Variants in EYA4 observed in about 807,000 individuals in gnomAD.
EYA4 encodes the protein EYA transcriptional coactivator and phosphatase 4.
EYA4 carries 31 observed loss-of-function variants against 87.9 expected under a neutral mutation model. The ratio of observed to expected loss-of-function variants is 0.35; its 90% CI spans 0.27 to 0.48. EYA4 has a LOEUF of 0.48. Ranked by LOEUF, EYA4 falls within the 20% of genes least tolerant of loss-of-function variation. EYA4 has a pLI of 0.99. For missense variants in EYA4, 678 were observed against 761.4 expected (o/e 0.89, Z 1.29); for synonymous variants, 263 against 270.6 (o/e 0.97, Z 0.28).
chr6:133,514,045 C>A (rs1799387116), intron 16 of EYA4, among the ~76,000 whole-genome samples: 1 of 152,030 alleles, frequency 6.6e-6, no homozygotes, highest in Non-Finnish European at 1.5e-5. Flanking sequence ...AGCAGTGAAA[C>A]ACATAAGAGA....
At chr6:133,374,111 T>C (rs1052400079) in intron 2 of EYA4, among the ~76,000 whole-genome samples, 4 of 152,100 alleles carry the variant, frequency 2.6e-5, no homozygotes, top group African/African-American at 9.7e-5. Context: ...ATTTTAAAGG[T>C]TAATGTGATT....
At chr6:133,372,749 A>G (rs991323545) in intron 2 of EYA4, among the ~76,000 whole-genome samples, 2 of 151,550 alleles carry the variant, frequency 1.3e-5, no homozygotes, top group Non-Finnish European at 2.9e-5. Context: ...TGTTCTAGAA[A>G]TATTTATATT....
intron 2 of EYA4, among the ~76,000 whole-genome samples, chr6:133,282,827 C>G (rs1582840131): frequency 6.6e-6 from 1 of 152,074 alleles, no homozygotes; most frequent in East Asian, 1.9e-4. Flanking sequence ...AGGGTAGCAC[C>G]AAGCCTCATA....
intron 2 of EYA4, among the ~76,000 whole-genome samples, chr6:133,320,428 A>C (rs1780996271): frequency 1.3e-5 from 2 of 152,024 alleles, no homozygotes; most frequent in Non-Finnish European, 2.9e-5. Context: ...TTTTAAATGC[A>C]ATGTACTTAC....
At chr6:133,311,488 G>T (rs1319924124) in intron 2 of EYA4, among the ~76,000 whole-genome samples, 1 of 151,712 alleles carries the variant, frequency 6.6e-6, no homozygotes, top group African/African-American at 2.4e-5. Context: ...AGCATGCCTG[G>T]CTAATTTTTT....
At chr6:133,460,765 A>G (rs1794311559) in intron 6 of EYA4, among the ~76,000 whole-genome samples, 1 of 152,094 alleles carries the variant, frequency 6.6e-6, no homozygotes, top group South Asian at 2.1e-4. Flanking sequence ...TAAAATGTAA[A>G]GTTTGCAAAT....
intron 3 of EYA4, among the ~76,000 whole-genome samples, chr6:133,408,358 T>C (rs1788910960): frequency 6.6e-6 from 1 of 152,214 alleles, no homozygotes; most frequent in Non-Finnish European, 1.5e-5. Flanking sequence ...GTGGTTACAT[T>C]GTAGATGGAC....
chr6:133,294,143 CA>C (rs1224820041), intron 2 of EYA4, among the ~76,000 whole-genome samples: 1 of 144,234 alleles, frequency 6.9e-6, no homozygotes, highest in East Asian at 2.0e-4. Flanking sequence ...TGAGTTGCGA[CA>C]GTGATGATGA....
rs74327342 is a variant in EYA4, at chr6:133,480,099, TGTGGA to T, written c.971-1360_971-1356del. Reference sequence around the variant, plus strand: ...TGAGAGAGTTAAATCCCCCAGATTGTGTGGAGTGAAGACAGTGATCAGAGGATGGA... The same window carrying T: ...TGAGAGAGTTAAATCCCCCAGATTGTGTGAAGACAGTGATCAGAGGATGGA... On this transcript the variant is annotated intron_variant, in intron 11 of 19. Coordinates refer to ENST00000355286, the MANE Select transcript of EYA4 (RefSeq NM_004100.5). Among the ~76,000 whole-genome samples, 1,237 of 152,218 alleles carry T rather than the reference TGTGGA, an allele frequency of 8.1e-3. 26 individuals are homozygous for T. The East Asian group carries it at 0.082, about 10-fold the overall frequency.
chr6:133,374,788 G>T (rs1785546700), intron 2 of EYA4, among the ~76,000 whole-genome samples: 1 of 151,938 alleles, frequency 6.6e-6, no homozygotes, highest in South Asian at 2.1e-4. Flanking sequence ...CTAACTACAT[G>T]AAAAGAATTT....
rs6911555 is a variant in EYA4, at chr6:133,242,533, G to A, written c.-66+784G>A. Among the ~76,000 whole-genome samples, 503 of 152,284 alleles carry A rather than the reference G, an allele frequency of 3.3e-3. 2 individuals are homozygous for A. Among genetic ancestry groups the A allele is most frequent in the African/African-American group, 9.8e-3 (409 of 41,548 alleles). ...TTTTCTCTCCTTCCAAGCCTGCTGGGTCTGGGGAGGCAGTGGAACTTGAAA... is the reference window on the plus strand; with the variant it reads ...TTTTCTCTCCTTCCAAGCCTGCTGGATCTGGGGAGGCAGTGGAACTTGAAA... On this transcript the variant is annotated intron_variant, in intron 1 of 19. Transcript: ENST00000355286.
intron 2 of EYA4, among the ~76,000 whole-genome samples, chr6:133,313,188 T>C (rs1022628681): frequency 5.3e-5 from 8 of 152,170 alleles, no homozygotes; most frequent in Non-Finnish European, 1.2e-4. Flanking sequence ...TTGTTAACTT[T>C]TTGGTTTACA....
intron 17 of EYA4, among the ~76,000 whole-genome samples, chr6:133,516,722 CAA>C (rs58268978): frequency 1.2e-4 from 15 of 122,828 alleles, no homozygotes; most frequent in Non-Finnish European, 1.2e-4. Context: ...GACTCTGTCT[CAA>C]AAAAAAAAAA....
intron 2 of EYA4, among the ~76,000 whole-genome samples, chr6:133,279,717 G>T (rs551883613): frequency 6.6e-6 from 1 of 151,946 alleles, no homozygotes; most frequent in African/African-American, 2.4e-5. Flanking sequence ...TTAGTCCTCA[G>T]ATCTTTGTTC....
chr6:133,380,263 C>G (rs1437965033), intron 2 of EYA4, among the ~76,000 whole-genome samples: 1 of 152,146 alleles, frequency 6.6e-6, no homozygotes, highest in East Asian at 1.9e-4. Flanking sequence ...CTAATTCATT[C>G]TTTCATCACA....
chr6:133,363,193 C>CTACAA (rs1269526821), intron 2 of EYA4: 1 of 152,236 alleles, frequency 6.6e-6, no homozygotes, highest in Non-Finnish European at 1.5e-5. Flanking sequence ...TTGTAGATGA[C>CTACAA]TGTACTATGG....
At position 133,525,664 on chromosome 6, in the gene EYA4, A is replaced by G. The variant is rs3798356; in HGVS notation, c.1839+410A>G. Reference sequence around the variant, plus strand: ...GGGGGGAGAATAACCATTGTTAAGCACATGAAATTTAGCAAGATAGAGATT... The same window carrying G: ...GGGGGGAGAATAACCATTGTTAAGCGCATGAAATTTAGCAAGATAGAGATT... On this transcript the variant is annotated intron_variant, in intron 19 of 19. Coordinates refer to ENST00000355286, the MANE Select transcript of EYA4 (RefSeq NM_004100.5). Among the ~76,000 whole-genome samples the G allele has an allele frequency of 2.5e-3, 375 of 152,290 alleles. 9 individuals are homozygous for G. In the East Asian group the frequency reaches 0.069, roughly 28 times the overall value.
intron 3 of EYA4, among the ~76,000 whole-genome samples, chr6:133,392,536 A>G (rs1787391319): frequency 6.6e-6 from 1 of 152,200 alleles, no homozygotes; most frequent in African/African-American, 2.4e-5. Flanking sequence ...ACCAGCTATG[A>G]AACTTACATA....
rs770844567 is a variant in EYA4, at chr6:133,474,093, A to G, written c.970+5362A>G. Among the ~76,000 whole-genome samples, 5 of 152,050 alleles carry G rather than the reference A, an allele frequency of 3.3e-5. No individual in the cohort carries two copies. In the South Asian group the frequency reaches 1.0e-3, roughly 31 times the overall value. Reference sequence around the variant, plus strand: ...TTTTCTCAATGATGAATGTGTGAGGAAAACAAGGTAGGGTGAAACCACAGA... The same window carrying G: ...TTTTCTCAATGATGAATGTGTGAGGGAAACAAGGTAGGGTGAAACCACAGA... On this transcript the variant is annotated intron_variant, in intron 11 of 19. Coordinates refer to ENST00000355286, the MANE Select transcript of EYA4 (RefSeq NM_004100.5).
Sources: gnomAD v4.1 joint callset for allele counts (sites outside exome capture counted in the v4.1 genomes callset) on GRCh38, gnomAD v4.1.1 for gene constraint, MANE v1.5 for transcripts, NCBI Gene and HGNC (gene_info 2026-07-23, HGNC 2026-07-21) for gene names.